BTBD9: variants seen among roughly 807,000 people sequenced by gnomAD.
BTBD9 encodes the protein BTB/POZ domain-containing protein 9.
BTBD9 carries 49 observed loss-of-function variants against 64.3 expected under a neutral mutation model. The ratio of observed to expected loss-of-function variants is 0.76; its 90% confidence interval spans 0.61 to 0.97. The LOEUF is 0.97. Ranked by LOEUF, BTBD9 falls within the 50% of genes least tolerant of loss-of-function variation. The pLI is 0.00. For synonymous variants in BTBD9, 260 were observed against 274.7 expected (o/e 0.95, Z 0.53); for missense variants, 598 against 762.1 (o/e 0.78, Z 2.53).
chr6:38,245,876 C>T (rs1028045280), intron 9 of BTBD9, among the ~76,000 whole-genome samples: 14 of 152,152 alleles, frequency 9.2e-5, no homozygotes, highest in Admixed American at 9.2e-4. Flanking sequence ...GCTCACACAG[C>T]TCACTGAGAA....
intron 1 of BTBD9, among the ~76,000 whole-genome samples, chr6:38,610,574 A>T (rs10484855): frequency 0.085 from 12,957 of 152,190 alleles, 682 homozygotes; most frequent in Middle Eastern, 0.18. Context: ...ATGTGCCTAA[A>T]CTACAATGTC....
intron 6 of BTBD9, among the ~76,000 whole-genome samples, chr6:38,410,189 G>A (rs1241235563): frequency 6.6e-6 from 1 of 152,148 alleles, no homozygotes; most frequent in Non-Finnish European, 1.5e-5. Flanking sequence ...AAATCTAGTT[G>A]TCCAGGCATG....
At chr6:38,319,081 G>A (rs940598285) in intron 7 of BTBD9, among the ~76,000 whole-genome samples, 2 of 152,154 alleles carry the variant, frequency 1.3e-5, no homozygotes, top group Non-Finnish European at 1.5e-5. Flanking sequence ...TACCACTGAT[G>A]TTCACTTCAG....
intron 1 of BTBD9, among the ~76,000 whole-genome samples, chr6:38,635,127 A>T (rs1303696682): frequency 1.3e-5 from 2 of 151,322 alleles, no homozygotes; most frequent in Non-Finnish European, 2.9e-5. Context: ...CAAAGCCTCC[A>T]GCTATTTCTT....
intron 7 of BTBD9, among the ~76,000 whole-genome samples, chr6:38,293,354 T>C (rs191061119): frequency 6.6e-6 from 1 of 152,172 alleles, no homozygotes; most frequent in Non-Finnish European, 1.5e-5. Flanking sequence ...AGAGCTTGCA[T>C]AGCCAAGACA....
In BTBD9 at chr6:38,180,672, C is replaced by T. The variant is rs140753252; in HGVS notation, c.1642-5490G>A. ...GTGGCTGAGACACACTGGGCAGAGC[C>T]GCACTACTCATTTATGCAAAACCAT... On this transcript the variant is annotated intron_variant, in intron 10 of 10. Transcript: ENST00000481247. Among the ~76,000 whole-genome samples the T allele has an allele frequency of 1.2e-4, 19 of 152,354 alleles. No individual in the cohort carries two copies. The East Asian group carries it at 3.5e-3, about 28-fold the overall frequency.
chr6:38,203,665 CAT>C (rs1360817354), intron 9 of BTBD9, among the ~76,000 whole-genome samples: 7 of 152,064 alleles, frequency 4.6e-5, no homozygotes, highest in Non-Finnish European at 7.4e-5. Flanking sequence ...ACAAACCCCA[CAT>C]GTTTTCTCTC....
chr6:38,350,909 TA>T (rs1335886006), intron 6 of BTBD9, among the ~76,000 whole-genome samples: 1 of 152,234 alleles, frequency 6.6e-6, no homozygotes, highest in East Asian at 1.9e-4. Flanking sequence ...TATACACAAA[TA>T]ATTCTCTAAC....
At chr6:38,574,101 T>C (rs1775918812) in intron 6 of BTBD9, among the ~76,000 whole-genome samples, 1 of 152,196 alleles carries the variant, frequency 6.6e-6, no homozygotes, top group Non-Finnish European at 1.5e-5. Flanking sequence ...AGCTTTTGGC[T>C]ACATAGAGCA....
intron 9 of BTBD9, among the ~76,000 whole-genome samples, chr6:38,222,312 A>C (rs577102305): frequency 4.6e-5 from 6 of 129,570 alleles, no homozygotes; most frequent in African/African-American, 1.7e-4. Context: ...CCAGGCTGGA[A>C]TGCAGTGGTG....
intron 7 of BTBD9, among the ~76,000 whole-genome samples, chr6:38,306,228 CT>C (rs1421398927): frequency 1.3e-5 from 2 of 152,206 alleles, no homozygotes; most frequent in African/African-American, 2.4e-5. Flanking sequence ...TATTTCTAGT[CT>C]TCCAGTTTCC....
intron 6 of BTBD9, among the ~76,000 whole-genome samples, chr6:38,439,841 A>G (rs1031212393): frequency 2.6e-5 from 4 of 152,176 alleles, no homozygotes; most frequent in African/African-American, 9.7e-5. Flanking sequence ...CTACAGGCAT[A>G]TGCTACTGTT....
intron 6 of BTBD9, among the ~76,000 whole-genome samples, chr6:38,562,037 A>C (rs1049414615): frequency 6.6e-6 from 1 of 152,200 alleles, no homozygotes; most frequent in Admixed American, 6.5e-5. Context: ...TTTTCAAAAC[A>C]AGATATTAAC....
intron 7 of BTBD9, 103 bp from the exon 8 acceptor site, chr6:38,288,564 G>A: frequency 3.4e-6 from 3 of 888,102 alleles, no homozygotes; most frequent in Admixed American, 2.6e-5. Flanking sequence ...TCAAATCAAT[G>A]ATAAAAGAAA....
chr6:38,602,689 T>A (rs1269244350), intron 1 of BTBD9, among the ~76,000 whole-genome samples: 3 of 151,798 alleles, frequency 2.0e-5, no homozygotes, highest in African/African-American at 4.8e-5. Flanking sequence ...CAAAATAAAT[T>A]GCTTTGTTTG....
intron 6 of BTBD9, among the ~76,000 whole-genome samples, chr6:38,364,217 C>T (rs114605705): frequency 1.3e-5 from 2 of 152,068 alleles, no homozygotes; most frequent in South Asian, 2.1e-4. Context: ...TAGGAATGAG[C>T]GTCAACTGTC....
rs147138157 is a variant in BTBD9, at chr6:38,256,321, G to A, written c.1562+88C>T. On this transcript the variant is annotated intron_variant, in intron 9 of 10. Transcript: ENST00000481247. ...CCTCCAAATAAGAATGTAATTTGGC[G>A]ATTCTATGAATTTTCTTTTGAGCCT... 46 of 895,360 alleles carry A rather than the reference G, an allele frequency of 5.1e-5. 1 individual carries two copies. In the East Asian group the frequency reaches 8.0e-4, roughly 16 times the overall value. The allele number at this position is 895,360 out of a possible 1,614,324, so 55.5% of individuals were successfully genotyped here. A position where few individuals can be genotyped will look rare whatever the true frequency, so the allele number is the denominator to read the frequency against.
chr6:38,614,922 C>T (rs1777735937), intron 1 of BTBD9, among the ~76,000 whole-genome samples: 1 of 152,234 alleles, frequency 6.6e-6, no homozygotes, highest in Non-Finnish European at 1.5e-5. Flanking sequence ...TCCTTTCCCT[C>T]CAGAACTCCT....
intron 6 of BTBD9, among the ~76,000 whole-genome samples, chr6:38,370,935 G>A (rs559761265): frequency 6.6e-6 from 1 of 152,132 alleles, no homozygotes; most frequent in Non-Finnish European, 1.5e-5. Context: ...TTTCCACATG[G>A]GAAATGAGAC....
Sources: gnomAD v4.1 joint callset for allele counts (sites outside exome capture counted in the v4.1 genomes callset) on GRCh38, gnomAD v4.1.1 for gene constraint, MANE v1.5 for transcripts, NCBI Gene and HGNC (gene_info 2026-07-23, HGNC 2026-07-21) for gene names.